The following VPS35L variants were observed in gnomAD, a reference collection of about 807,000 sequenced individuals.
VPS35L encodes VPS35 endosomal protein-sorting factor-like.
In VPS35L, 83 loss-of-function variants were observed where a neutral mutation model predicts 133.0. That is an observed-to-expected ratio of 0.62 (90% CI 0.52 to 0.75). VPS35L has a LOEUF of 0.75. VPS35L is among the 30% of genes least tolerant of loss of function. The pLI, the probability that VPS35L is intolerant of heterozygous loss-of-function variation, is 0.00. For missense variants in VPS35L, 1,083 were observed against 1,206.8 expected, an observed-to-expected ratio of 0.90 and a Z score of 1.52; for synonymous variants, 423 against 449.9, an observed-to-expected ratio of 0.94 and a Z score of 0.76.
chr16:19,694,592 T>C (rs1975836456), intron 29 of VPS35L, among the ~76,000 whole-genome samples: 1 of 151,974 alleles, frequency 6.6e-6, no homozygotes, highest in South Asian at 2.1e-4. Context: ...TGGGCTCTAG[T>C]GATCCTCCCA....
chr16:19,561,336 A>G (rs1014615826), intron 1 of VPS35L, among the ~76,000 whole-genome samples: 3 of 152,186 alleles, frequency 2.0e-5, no homozygotes, highest in Non-Finnish European at 4.4e-5. Flanking sequence ...GCGCCACTGC[A>G]CTCCAGCCTG....
chr16:19,601,720 C>G lies in VPS35L; in HGVS notation c.781C>G (p.Pro261Ala). 6.2e-7 allele frequency: 1 copy of G among 1,614,136 alleles called. No homozygotes were observed. Among genetic ancestry groups the G allele is most frequent in the Non-Finnish European group, 8.5e-7 (1 of 1,179,994 alleles). Residue 261 changes from proline to alanine, a missense_variant, in exon 9 of 31, where the codon CCA (proline) becomes GCA (alanine). Pro to Ala is a conservative substitution (Grantham distance 27). Coordinates refer to ENST00000417362, the MANE Select transcript of VPS35L (RefSeq NM_020314.7). ...GTGTGTGGATAGCCGCAGCGTCTTA[C>G]CAGGTAATGTCGCAGCTGTTCCTGG... ...SMCVDSRSVL[P>A]DHFSPENAND... is the part of the protein sequence containing the mutation.
intron 27 of VPS35L, among the ~76,000 whole-genome samples, chr16:19,681,083 C>T (rs149260647): frequency 8.3e-4 from 126 of 152,356 alleles, no homozygotes; most frequent in African/African-American, 2.6e-3. Context: ...TCAGAGAGAA[C>T]GTGCCTGGCT....
At position 19,583,684 on chromosome 16, in the gene VPS35L, A is replaced by G. The variant is rs973427855; in HGVS notation, c.639+2031A>G. ...TTGCAGTGAGCCGAGATCGCACTAC[A>G]CCACTCCAGCCTGGGTGACAGAGTG... is the stretch of plus-strand genomic sequence containing the variant. On this transcript the variant is annotated intron_variant, in intron 7 of 30. Coordinates refer to ENST00000417362, the MANE Select transcript of VPS35L (RefSeq NM_020314.7). 2.6e-5 allele frequency among the ~76,000 whole-genome samples: 4 copies of G among 151,032 alleles called. No individual in the cohort carries two copies. In the Admixed American group the frequency reaches 2.7e-4, roughly 10 times the overall value.
chr16:19,700,705 T>C lies in VPS35L; in HGVS notation c.*229T>C. ...TCACTAAGAAGCAGTCTCTGTGTTGTCTTTGCACAAGTGGCCTTCGGTCTA... is the reference window on the plus strand; with the variant it reads ...TCACTAAGAAGCAGTCTCTGTGTTGCCTTTGCACAAGTGGCCTTCGGTCTA... On this transcript the variant is annotated 3_prime_UTR_variant, in exon 31 of 31. Transcript: ENST00000417362. The C allele has an allele frequency of 2.0e-6, 1 of 505,588 alleles. No individual in the cohort carries two copies. The highest frequency in any genetic ancestry group is 3.5e-6 in the Non-Finnish European group (1 of 284,766). 31.3% of individuals were successfully genotyped at this position (505,588 alleles called of 1,614,324 possible).
chr16:19,652,177 CAA>C (rs977956598), intron 26 of VPS35L, 87 bp downstream of exon 26: 2 of 954,610 alleles, frequency 2.1e-6, no homozygotes, highest in African/African-American at 1.6e-5. Context: ...TAGAGAGAGA[CAA>C]AGATTTCTTT....
chr16:19,596,835 C>T (rs1195570035), intron 8 of VPS35L, among the ~76,000 whole-genome samples: 1 of 151,332 alleles, frequency 6.6e-6, no homozygotes, highest in Non-Finnish European at 1.5e-5. Flanking sequence ...GCCTGGGCAA[C>T]ATGGTGAAAC....
At chr16:19,677,464 G>A (rs1296235710) in intron 27 of VPS35L, among the ~76,000 whole-genome samples, 2 of 152,164 alleles carry the variant, frequency 1.3e-5, no homozygotes, top group East Asian at 1.9e-4. Flanking sequence ...GAGAGTTCCC[G>A]AAGAAAGTGC....
At chr16:19,604,881 A>AT (rs1051978729) in intron 9 of VPS35L, among the ~76,000 whole-genome samples, 24 of 152,332 alleles carry the variant, frequency 1.6e-4, no homozygotes, top group Admixed American at 6.5e-4. Context: ...AGATGTGGTC[A>AT]TTTTTTCCCA....
chr16:19,569,538 C>G lies in VPS35L; in HGVS notation c.232C>G (p.Pro78Ala). ...PLSSVLDGTDPLSMFAATADP... is the reference protein window; with the variant it reads ...PLSSVLDGTDALSMFAATADP... The stretch of plus-strand genomic sequence containing the variant: ...GAGCAGCGTCCTCGATGGGACTGAC[C>G]CCCTCTCCATGTTTGCAGCCACTGC... The change falls in exon 3 of 31, where the codon CCC (proline) becomes GCC (alanine). Residue 78 changes from proline to alanine, a missense_variant. By Grantham distance (27) the Pro-to-Ala change is conservative (BLOSUM62 -1). Coordinates refer to ENST00000417362, the MANE Select transcript of VPS35L (RefSeq NM_020314.7). 6.2e-7 allele frequency: 1 copy of G among 1,601,678 alleles called. No individual in the cohort carries two copies. Among genetic ancestry groups the G allele is most frequent in the Non-Finnish European group, 8.5e-7 (1 of 1,174,210 alleles).
chr16:19,627,855 C>G (rs373530791), intron 16 of VPS35L, 50 bp downstream of exon 16: 2 of 1,412,280 alleles, frequency 1.4e-6, no homozygotes, highest in African/African-American at 1.4e-5. Context: ...CGGTGTGTAT[C>G]TGATAGCTCT....
In VPS35L at chr16:19,644,931, T is replaced by TAATGGATTTATAA; in HGVS notation, c.1914_1926dup (p.Met643TrpfsTer11). The TAATGGATTTATAA allele has an allele frequency of 6.3e-7, 1 of 1,599,448 alleles. No homozygotes were observed. Among genetic ancestry groups the TAATGGATTTATAA allele is most frequent in the East Asian group, 2.2e-5 (1 of 44,772 alleles). ...AGAAAAGAATGCTGTCATATTTGAT[T>TAATGGATTTATAA]AATGGATTTATAAAAATGGTAAGTA... On this transcript the variant is annotated frameshift_variant, in exon 23 of 31. Coordinates refer to ENST00000417362, the MANE Select transcript of VPS35L (RefSeq NM_020314.7). LOFTEE classifies it high-confidence loss of function.
At chr16:19,695,793 G>A (rs1268124008) in intron 29 of VPS35L, among the ~76,000 whole-genome samples, 5 of 151,744 alleles carry the variant, frequency 3.3e-5, no homozygotes, top group Non-Finnish European at 4.4e-5. Context: ...CTCCAACCCT[G>A]GCAGCAGAGC....
intron 26 of VPS35L, among the ~76,000 whole-genome samples, chr16:19,658,060 T>C (rs1974361872): frequency 6.6e-6 from 1 of 152,104 alleles, no homozygotes; most frequent in Non-Finnish European, 1.5e-5. Context: ...TGGCAGCTGC[T>C]CATGGAACCC....
intron 3 of VPS35L, 131 bp downstream of exon 3, chr16:19,569,722 G>A: frequency 9.9e-7 from 1 of 1,009,644 alleles, no homozygotes; most frequent in Non-Finnish European, 1.4e-6. Context: ...AGGCTGGAGT[G>A]CAGTGGTGTG....
chr16:19,576,676 C>T (rs1458735085), intron 5 of VPS35L, among the ~76,000 whole-genome samples: 1 of 152,046 alleles, frequency 6.6e-6, no homozygotes. Context: ...CACGGCTCTG[C>T]TGGATGAGAC....
intron 19 of VPS35L, among the ~76,000 whole-genome samples, chr16:19,637,031 T>C (rs1444145755): frequency 6.6e-6 from 1 of 152,252 alleles, no homozygotes; most frequent in Non-Finnish European, 1.5e-5. Context: ...CTACAGCCCA[T>C]AGGCTATATG....
intron 29 of VPS35L, among the ~76,000 whole-genome samples, chr16:19,697,786 C>T (rs922300281): frequency 8.5e-5 from 13 of 152,182 alleles, no homozygotes; most frequent in Non-Finnish European, 1.3e-4. Flanking sequence ...TTTCTGAGTG[C>T]GATTCCTGAT....
intron 27 of VPS35L, among the ~76,000 whole-genome samples, chr16:19,681,558 A>T (rs1975280039): frequency 6.6e-6 from 1 of 152,088 alleles, no homozygotes; most frequent in Non-Finnish European, 1.5e-5. Flanking sequence ...GCATCCCCAG[A>T]CTCACATACA....
Sources: gnomAD v4.1 joint callset for allele counts (sites outside exome capture counted in the v4.1 genomes callset) on GRCh38, gnomAD v4.1.1 for gene constraint, MANE v1.5 for transcripts, NCBI Gene and HGNC (gene_info 2026-07-23, HGNC 2026-07-21) for gene names.